ARHGAP22: variants seen among roughly 807,000 people sequenced by gnomAD.
ARHGAP22 encodes Rho GTPase activating protein 22.
ARHGAP22 carries 48 observed loss-of-function variants against 59.1 expected under a neutral mutation model. That is an observed-to-expected ratio of 0.81 (90% CI 0.64 to 1.03). The LOEUF is 1.03. Among genes scored for constraint, ARHGAP22 ranks in the 50% least tolerant of loss-of-function variants. ARHGAP22 has a pLI of 0.00. For missense variants in ARHGAP22, 1,015 were observed against 958.7 expected, an observed-to-expected ratio of 1.06 and a Z score of -0.78; for synonymous variants, 445 against 416.4, an observed-to-expected ratio of 1.07 and a Z score of -0.84.
At chr10:48,489,107 C>CT (rs1411166489) in intron 3 of ARHGAP22, among the ~76,000 whole-genome samples, 12 of 151,866 alleles carry the variant, frequency 7.9e-5, no homozygotes, top group South Asian at 4.2e-4. Flanking sequence ...TCTTTCTTTT[C>CT]TTTTTTTTGG....
At chr10:48,451,594 T>C (rs3827681) in intron 8 of ARHGAP22, 371,859 of 700,272 alleles carry the variant, frequency 0.53, 100,433 homozygotes, top group East Asian at 0.63. Flanking sequence ...GGACAGGGAA[T>C]AGAGCCATCT....
At chr10:48,621,160 T>C (rs542468358) in intron 1 of ARHGAP22, among the ~76,000 whole-genome samples, 1 of 152,372 alleles carries the variant, frequency 6.6e-6, no homozygotes, top group African/African-American at 2.4e-5. Flanking sequence ...TATATGAAAG[T>C]ACATTATACT....
intron 3 of ARHGAP22, among the ~76,000 whole-genome samples, chr10:48,504,776 A>G (rs986866063): frequency 2.0e-5 from 3 of 152,068 alleles, no homozygotes; most frequent in Admixed American, 1.3e-4. Flanking sequence ...CTGGGGCCAC[A>G]TGGGCTGGGA....
chr10:48,516,977 C>A (rs1054172774), intron 3 of ARHGAP22, among the ~76,000 whole-genome samples: 3 of 152,110 alleles, frequency 2.0e-5, no homozygotes, highest in Admixed American at 1.3e-4. Context: ...AAACATTATG[C>A]TAAGTGAAAG....
chr10:48,597,359 C>T lies in ARHGAP22; in HGVS notation c.34+7404G>A, dbSNP rs780468617. Among the ~76,000 whole-genome samples, 244 of 152,234 alleles carry T rather than the reference C, an allele frequency of 1.6e-3. 1 individual carries two copies. Among genetic ancestry groups the T allele is most frequent in the Admixed American group, 3.6e-3 (55 of 15,280 alleles). Reference sequence around the variant, plus strand: ...TAAAGGGCATGAGATTACTGATTCTCTGCCCATAATCAGAGAAGCAGCAAG... The same window carrying T: ...TAAAGGGCATGAGATTACTGATTCTTTGCCCATAATCAGAGAAGCAGCAAG... On this transcript the variant is annotated intron_variant, in intron 1 of 9. Coordinates refer to ENST00000249601, the MANE Select transcript of ARHGAP22 (RefSeq NM_021226.4).
At chr10:48,528,665 A>G (rs1371823064) in intron 3 of ARHGAP22, among the ~76,000 whole-genome samples, 1 of 152,106 alleles carries the variant, frequency 6.6e-6, no homozygotes, top group Non-Finnish European at 1.5e-5. Flanking sequence ...CCAGTGTTGG[A>G]GGTGGGCCTA....
At chr10:48,587,487 G>A (rs2135704546) in intron 1 of ARHGAP22, among the ~76,000 whole-genome samples, 1 of 152,102 alleles carries the variant, frequency 6.6e-6, no homozygotes, top group Non-Finnish European at 1.5e-5. Context: ...GCTTTTTTTT[G>A]TTTAATCAAG....
chr10:48,621,001 G>A (rs1287008137), intron 1 of ARHGAP22, among the ~76,000 whole-genome samples: 1 of 152,246 alleles, frequency 6.6e-6, no homozygotes, highest in Non-Finnish European at 1.5e-5. Context: ...ACATCAAGAG[G>A]TGAAGAGCAG....
chr10:48,652,498 C>T (rs970670197), exon 1 of ARHGAP22: 3 of 580,874 alleles, frequency 5.2e-6, no homozygotes, highest in Non-Finnish European at 9.2e-6. Flanking sequence ...AGCGTAAGTG[C>T]ATCTAGGGAT....
intron 2 of ARHGAP22, among the ~76,000 whole-genome samples, chr10:48,570,642 A>G (rs1156828603): frequency 6.6e-6 from 1 of 152,130 alleles, no homozygotes; most frequent in Non-Finnish European, 1.5e-5. Flanking sequence ...TCTTTTGTGG[A>G]CAGAGACTTG....
At chr10:48,440,519 A>T in the ARHGAP22 span, among the ~76,000 whole-genome samples, 7 of 152,182 alleles carry the variant, frequency 4.6e-5, no homozygotes, top group Admixed American at 2.0e-4. Context: ...GACCCTTGGC[A>T]TAAAGAAGGT....
At chr10:48,441,273 A>T (rs757992968), downstream of ARHGAP22, among the ~76,000 whole-genome samples, 2 of 152,078 alleles carry the variant, frequency 1.3e-5, no homozygotes, top group Non-Finnish European at 2.9e-5. Context: ...TGGATATACC[A>T]CTTTAGAGTT....
At chr10:48,598,104 G>A (rs1673102444) in intron 1 of ARHGAP22, among the ~76,000 whole-genome samples, 1 of 152,280 alleles carries the variant, frequency 6.6e-6, no homozygotes, top group Non-Finnish European at 1.5e-5. Context: ...TAGCAGCACT[G>A]TGTGTTCTGA....
At chr10:48,481,234 A>C (rs929231973) in intron 3 of ARHGAP22, among the ~76,000 whole-genome samples, 4 of 152,182 alleles carry the variant, frequency 2.6e-5, no homozygotes, top group Non-Finnish European at 4.4e-5. Flanking sequence ...GGGCATTGCC[A>C]CCTACCGAGG....
intron 3 of ARHGAP22, among the ~76,000 whole-genome samples, chr10:48,545,713 C>T (rs1276689147): frequency 1.3e-5 from 2 of 152,192 alleles, no homozygotes; most frequent in Non-Finnish European, 2.9e-5. Flanking sequence ...GGTCAGGCCT[C>T]CCTTTAAGAC....
At chr10:48,456,349 C>A (rs2046506383) in intron 5 of ARHGAP22, among the ~76,000 whole-genome samples, 1 of 152,166 alleles carries the variant, frequency 6.6e-6, no homozygotes, top group African/African-American at 2.4e-5. Context: ...ATCCATATAC[C>A]TGGGGCCCCT....
intron 1 of ARHGAP22, among the ~76,000 whole-genome samples, chr10:48,632,174 G>T (rs1249410716): frequency 6.6e-6 from 1 of 152,152 alleles, no homozygotes; most frequent in Non-Finnish European, 1.5e-5. Context: ...TTACGCCTTT[G>T]CATCCTCATA....
At chr10:48,457,587 A>T (rs1380266372) in intron 5 of ARHGAP22, among the ~76,000 whole-genome samples, 2 of 152,190 alleles carry the variant, frequency 1.3e-5, no homozygotes, top group Non-Finnish European at 2.9e-5. Flanking sequence ...TCCGGCCCAC[A>T]GGAGGCTGTC....
chr10:48,578,913 T>A (rs962110178), intron 2 of ARHGAP22, among the ~76,000 whole-genome samples: 3 of 152,138 alleles, frequency 2.0e-5, no homozygotes, highest in Non-Finnish European at 4.4e-5. Context: ...TTACCTTTTT[T>A]TTTCCGTTCT....
Sources: gnomAD v4.1 joint callset for allele counts (sites outside exome capture counted in the v4.1 genomes callset) on GRCh38, gnomAD v4.1.1 for gene constraint, MANE v1.5 for transcripts, NCBI Gene and HGNC (gene_info 2026-07-23, HGNC 2026-07-21) for gene names.